Variants in BAZ2A observed in about 807,000 individuals in gnomAD.
BAZ2A encodes the protein bromodomain adjacent to zinc finger domain 2A.
A neutral mutation model predicts 199.9 loss-of-function variants in BAZ2A; 34 were observed. The observed-to-expected ratio is 0.17, with a 90% CI of 0.13 to 0.23. The LOEUF is 0.23. BAZ2A is among the 10% of genes least tolerant of loss of function. BAZ2A has a pLI of 1.00. For synonymous variants in BAZ2A, 857 were observed against 883.9 expected, an observed-to-expected ratio of 0.97 and a Z score of 0.54; for missense variants, 2,002 against 2,391.1, an observed-to-expected ratio of 0.84 and a Z score of 3.39.
At chr12:56,604,470 A>T in intron 15 of BAZ2A, 115 bp downstream of exon 15, 1 of 1,355,462 alleles carries the variant, frequency 7.4e-7, no homozygotes. Context: ...TCATTCCAGC[A>T]TCTTCAGAAC....
At position 56,615,485 on chromosome 12, in the gene BAZ2A, A is replaced by G; in HGVS notation, c.259T>C (p.Tyr87His). ...TSHLHHPSVA[Y>H]DCLWNYSQYP... ...TGTGAGTAGTTCCAGAGACAGTCGTAGGCCACGCTGGGGTGATGGAGGTGT... is the reference window on the plus strand; with the variant it reads ...TGTGAGTAGTTCCAGAGACAGTCGTGGGCCACGCTGGGGTGATGGAGGTGT... The change falls in exon 3 of 29, where the codon TAC (tyrosine) becomes CAC (histidine). Residue 87 changes from tyrosine to histidine, a missense_variant. Physicochemically the swap from Tyr to His is moderately conservative, Grantham distance 83. This residue lies in a region of BAZ2A where 641 missense variants were observed against 694.5 expected (regional missense o/e 0.92). Transcript: ENST00000549884. 6.2e-7 allele frequency: 1 copy of G among 1,613,446 alleles called. No individual in the cohort carries two copies.
upstream of BAZ2A, chr12:56,630,835 C>G (rs1951290009): frequency 1.0e-6 from 1 of 985,604 alleles, no homozygotes; most frequent in African/African-American, 1.7e-5. Flanking sequence ...GCGACATCTG[C>G]AGGGCCCTGG....
Position 56,598,660 on chromosome 12 carries a change from G to T in BAZ2A, c.5670C>A (p.Ser1890Arg). The T allele has an allele frequency of 1.2e-6, 2 of 1,613,762 alleles. No homozygotes were observed. The highest frequency in any genetic ancestry group is 1.6e-4 in the Middle Eastern group (1 of 6,062). The change falls in exon 29 of 29, where the codon AGC (serine) becomes AGA (arginine). Residue 1890 changes from serine to arginine, a missense_variant. Around this residue, in one of 6 missense-constraint regions of BAZ2A, gnomAD observed 76 missense variants for 139.3 expected, o/e 0.55. Transcript: ENST00000549884. Reference protein sequence around the residue: ...AGHIMRRFFESRWEEFYQGKQ... With the variant: ...AGHIMRRFFERRWEEFYQGKQ... ...TTCCCTGATAAAACTCCTCCCAGCG[G>T]CTCTCGAAGAAGCGGCGCATGATGT...
At position 56,615,129 on chromosome 12, in the gene BAZ2A, C is replaced by G. The variant is rs1357249498; in HGVS notation, c.615G>C (p.Gln205His). 6.2e-7 allele frequency: 1 copy of G among 1,613,758 alleles called. No homozygotes were observed. Among genetic ancestry groups the G allele is most frequent in the Admixed American group, 1.7e-5 (1 of 59,982 alleles). Residue 205 changes from glutamine (Q) to histidine (H), a missense_variant, in exon 3 of 29, where the codon CAG becomes CAC. By Grantham distance (24) the Gln-to-His change is conservative. Around this residue, in one of 6 missense-constraint regions of BAZ2A, gnomAD observed 641 missense variants for 694.5 expected, o/e 0.92. Coordinates refer to ENST00000549884, the MANE Select transcript of BAZ2A (RefSeq NM_001300905.2). ...CAGGATGGATACCACTGCCTACCTC[C>G]TGGGAGGGTGCAAAGGTTTGAATGC... ...GSSIQTFAPS[Q>H]EVGSGIHPDE...
chr12:56,636,099 G>A, intron 1 of BAZ2A: 1 of 1,465,108 alleles, frequency 6.8e-7, no homozygotes, highest in Non-Finnish European at 9.3e-7. Flanking sequence ...AATGAGCAAA[G>A]GTTAGGCCCC....
chr12:56,601,642 T>A lies in BAZ2A; in HGVS notation c.3975A>T (p.Ser1325=). The A allele has an allele frequency of 6.2e-7, 1 of 1,613,306 alleles. No homozygotes were observed. Among genetic ancestry groups the A allele is most frequent in the African/African-American group, 1.3e-5 (1 of 74,994 alleles). ...PDPQALWFNI[S]AQMPCNAAPT... Reference sequence around the variant, plus strand: ...GGGCAGCATTGCAGGGCATCTGGGCTGAGATGTTAAACCAGAGTGCTTGAG... The same window carrying A: ...GGGCAGCATTGCAGGGCATCTGGGCAGAGATGTTAAACCAGAGTGCTTGAG... Residue 1325 remains serine, a synonymous_variant, in exon 20 of 29, where the codon TCA becomes TCT. Coordinates refer to ENST00000549884, the MANE Select transcript of BAZ2A (RefSeq NM_001300905.2).
rs570603023 is a variant in BAZ2A, at chr12:56,599,684, A to T, written c.5172+18T>A. The stretch of plus-strand genomic sequence containing the variant: ...TGATTTCTGTTTGAGTGTGGGAAAG[A>T]AAGAGCAGAAGCCTTACCTGAGCCA... On this transcript the variant is annotated intron_variant, in intron 26 of 28. Coordinates refer to ENST00000549884, the MANE Select transcript of BAZ2A (RefSeq NM_001300905.2). 3.1e-5 allele frequency: 50 copies of T among 1,612,668 alleles called. No homozygotes were observed. In the South Asian group the frequency reaches 4.8e-4, roughly 16 times the overall value.
intron 1 of BAZ2A, chr12:56,636,033 G>A (rs1269298772): frequency 5.0e-6 from 5 of 992,772 alleles, no homozygotes; most frequent in Non-Finnish European, 5.9e-6. Context: ...AGCCTCGCTA[G>A]CTGAGCCCTG....
At position 56,599,201 on chromosome 12, in the gene BAZ2A, T is replaced by G; in HGVS notation, c.5330A>C (p.Glu1777Ala). The change falls in exon 27 of 29, where the codon GAA (glutamate) becomes GCA (alanine). Residue 1777 changes from glutamate to alanine, a missense_variant. Physicochemically the swap from Glu to Ala is moderately radical, Grantham distance 107. Transcript: ENST00000549884. The part of the protein sequence containing the change: ...ESPAAGPRYS[E>A]EGLSPSKRRR... ...CCGCTTGGAGGGGGAGAGCCCTTCT[T>G]CCGAGTACCGAGGCCCTGCTGCTGG... is the stretch of plus-strand genomic sequence containing the variant. The G allele has an allele frequency of 1.2e-6, 2 of 1,613,358 alleles. No individual in the cohort carries two copies. The highest frequency in any genetic ancestry group is 1.7e-6 in the Non-Finnish European group (2 of 1,179,718).
chr12:56,633,804 C>CTCA (rs1477413677), upstream of BAZ2A, among the ~76,000 whole-genome samples: 1 of 152,202 alleles, frequency 6.6e-6, no homozygotes, highest in Non-Finnish European at 1.5e-5. Context: ...GTGTTGTGAT[C>CTCA]TCAGCTCGCT....
rs1290508601 is a variant in BAZ2A at position 56,598,987 on chromosome 12, G to A, written c.5427C>T (p.Ser1809=). 2 of 1,611,226 alleles carry A rather than the reference G, an allele frequency of 1.2e-6. No homozygotes were observed. Among genetic ancestry groups the A allele is most frequent in the Admixed American group, 1.7e-5 (1 of 59,576 alleles). ...FCEIILMEME[S]HDAAWPFLEP... Reference sequence around the variant, plus strand: ...CTAGGAAAGGCCAGGCTGCATCATGGGACTCCATCTCCATCAGGATAATCC... The same window carrying A: ...CTAGGAAAGGCCAGGCTGCATCATGAGACTCCATCTCCATCAGGATAATCC... The change falls in exon 28 of 29, where the codon TCC becomes TCT. Residue 1809 remains serine (S), a synonymous_variant. Coordinates refer to ENST00000549884, the MANE Select transcript of BAZ2A (RefSeq NM_001300905.2).
chr12:56,614,019 C>G lies in BAZ2A; in HGVS notation c.850G>C (p.Asp284His), dbSNP rs374654497. ...AGGATTGGAGTGTCTTCCAGTTGATCAGGAAGATGTGAAGGATCATCTAAA... is the reference window on the plus strand; with the variant it reads ...AGGATTGGAGTGTCTTCCAGTTGATGAGGAAGATGTGAAGGATCATCTAAA... ...SCLDDPSHLP[D>H]QLEDTPILSE... Residue 284 changes from aspartate (D) to histidine (H), a missense_variant, in exon 4 of 29, where the codon GAT (aspartate) becomes CAT (histidine). Around this residue, in one of 6 missense-constraint regions of BAZ2A, gnomAD observed 641 missense variants for 694.5 expected, o/e 0.92. Coordinates refer to ENST00000549884, the MANE Select transcript of BAZ2A (RefSeq NM_001300905.2). 3 of 1,613,860 alleles carry G rather than the reference C, an allele frequency of 1.9e-6. No individual in the cohort carries two copies. The highest frequency in any genetic ancestry group is 2.7e-5 in the African/African-American group (2 of 74,892).
rs188870377 is a variant in BAZ2A at position 56,615,399 on chromosome 12, C to T, written c.345G>A (p.Ser115=). The T allele has an allele frequency of 1.4e-3, 2,223 of 1,613,330 alleles. 6 individuals are homozygous for T. Among genetic ancestry groups the T allele is most frequent in the Middle Eastern group, 3.1e-3 (19 of 6,058 alleles). Residue 115 remains serine, a synonymous_variant, in exon 3 of 29, where the codon TCG becomes TCA. Coordinates refer to ENST00000549884, the MANE Select transcript of BAZ2A (RefSeq NM_001300905.2). ...LKDPPLLSQF[S]GGQYPLNGIL... is the part of the protein sequence containing the mutation. ...TGCCGTTGAGTGGGTATTGTCCCCCCGAGAACTGGGAGAGAAGGGGTGGGT... is the reference window on the plus strand; with the variant it reads ...TGCCGTTGAGTGGGTATTGTCCCCCTGAGAACTGGGAGAGAAGGGGTGGGT...
At chr12:56,608,168 C>T (rs554008524) in intron 10 of BAZ2A, among the ~76,000 whole-genome samples, 4 of 151,354 alleles carry the variant, frequency 2.6e-5, no homozygotes, top group Non-Finnish European at 5.9e-5. Flanking sequence ...GTCAGGAGAT[C>T]GAGACCATCC....
At chr12:56,614,484 T>C (rs1055353236) in intron 3 of BAZ2A, among the ~76,000 whole-genome samples, 7 of 152,224 alleles carry the variant, frequency 4.6e-5, no homozygotes, top group African/African-American at 1.7e-4. Flanking sequence ...GCTAAGCTTT[T>C]ATCTATTTTG....
chr12:56,601,575 AGGGAGT>A lies in BAZ2A; in HGVS notation c.4036_4041del (p.Thr1346_Pro1347del). On this transcript the variant is annotated inframe_deletion, in exon 20 of 29. Transcript: ENST00000549884. ...TTGGAGGAGGCAAGCTGCTGAGGGG[AGGGAGT>A]GGGTTGGTCCTCAGAAACTGCAGGG... is the stretch of plus-strand genomic sequence containing the variant. 3.1e-6 allele frequency: 5 copies of A among 1,612,346 alleles called. No homozygotes were observed. The highest frequency in any genetic ancestry group is 4.2e-6 in the Non-Finnish European group (5 of 1,179,714).
At chr12:56,625,975 T>C (rs973846721) in intron 1 of BAZ2A, among the ~76,000 whole-genome samples, 1 of 151,182 alleles carries the variant, frequency 6.6e-6, no homozygotes, top group African/African-American at 2.4e-5. Context: ...AATGCCCCCA[T>C]AATAACTGTT....
At chr12:56,637,310 C>T (rs528281006), upstream of BAZ2A, among the ~76,000 whole-genome samples, 156 of 152,348 alleles carry the variant, frequency 1.0e-3, no homozygotes, top group African/African-American at 3.5e-3. Context: ...ACCCCTGCAC[C>T]TCTCAGTCGG....
chr12:56,605,723 C>T (rs1950327196), intron 13 of BAZ2A, 107 bp downstream of exon 13: 1 of 1,255,236 alleles, frequency 8.0e-7, no homozygotes, highest in Non-Finnish European at 1.1e-6. Context: ...ACCCGGCCTT[C>T]CTTTAATCTT....
Sources: allele counts gnomAD v4.1 joint callset (sites outside exome capture counted in the v4.1 genomes callset), GRCh38; gene constraint gnomAD v4.1.1; regional missense constraint gnomAD v4.1.1; transcripts MANE v1.5; gene names NCBI Gene and HGNC (gene_info 2026-07-23, HGNC 2026-07-21).